The following CUBN variants were observed in gnomAD, a reference collection of about 807,000 sequenced individuals.
The protein encoded by CUBN is 460 kDa receptor.
A neutral mutation model predicts 405.3 loss-of-function variants in CUBN; 282 were observed. The ratio of observed to expected loss-of-function variants is 0.70; its 90% CI spans 0.63 to 0.77. The LOEUF is 0.77. CUBN is among the 30% of genes least tolerant of loss of function. The pLI, the probability that CUBN is intolerant of heterozygous loss-of-function variation, is 0.00. For missense variants in CUBN, 4,514 were observed against 4,475.2 expected (o/e 1.01, Z -0.25); for synonymous variants, 1,684 against 1,617.0 (o/e 1.04, Z -0.99).
In CUBN at chr10:16,990,340, G is replaced by A; in HGVS notation, c.4344C>T (p.Val1448=). 1 of 1,614,136 alleles carries A rather than the reference G, an allele frequency of 6.2e-7. No homozygotes were observed. The highest frequency in any genetic ancestry group is 8.5e-7 in the Non-Finnish European group (1 of 1,179,972). ...AAACCATCTCACTTCCTACCTCCAA[G>A]ACATCAAAGTTGCACCTTGAATGAT... ...VEYHSRCNFD[V]LEIYGGPDFH... The change falls in exon 29 of 67, where the codon GTC becomes GTT. Residue 1448 remains valine, a synonymous_variant. Coordinates refer to ENST00000377833, the MANE Select transcript of CUBN (RefSeq NM_001081.4).
At chr10:17,116,028 A>C (rs909886869) in intron 6 of CUBN, among the ~76,000 whole-genome samples, 7 of 152,224 alleles carry the variant, frequency 4.6e-5, no homozygotes, top group African/African-American at 1.7e-4. Context: ...AATGCTCTCT[A>C]GGATTATATA....
At chr10:16,944,622 C>A (rs1449352662) in intron 36 of CUBN, among the ~76,000 whole-genome samples, 2 of 152,318 alleles carry the variant, frequency 1.3e-5, no homozygotes, top group South Asian at 4.1e-4. Context: ...AAAAAAGAGG[C>A]ATCTTGCAGC....
chr10:17,085,749 C>A lies in CUBN; in HGVS notation c.1958G>T (p.Gly653Val). ...CNKDYLEIRD[G>V]PLYQDPLLGK... ...AAGAAGGGGGTCCTGATACAAAGGA[C>A]CATCTCGAATCTAAAACAAAAGGAT... is the stretch of plus-strand genomic sequence containing the variant. The change falls in exon 16 of 67, where the codon GGT becomes GTT. Residue 653 changes from glycine to valine, a missense_variant. Coordinates refer to ENST00000377833, the MANE Select transcript of CUBN (RefSeq NM_001081.4). 1.2e-6 allele frequency: 2 copies of A among 1,613,850 alleles called. No individual in the cohort carries two copies. Among genetic ancestry groups the A allele is most frequent in the Non-Finnish European group, 1.7e-6 (2 of 1,179,894 alleles).
At chr10:16,861,715 C>T (rs965644294) in intron 59 of CUBN, among the ~76,000 whole-genome samples, 1 of 152,078 alleles carries the variant, frequency 6.6e-6, no homozygotes, top group Admixed American at 6.5e-5. Flanking sequence ...ACCCTCTTAC[C>T]CACTGCACCA....
At chr10:16,926,991 A>G (rs1276716) in intron 41 of CUBN, among the ~76,000 whole-genome samples, 117,323 of 151,648 alleles carry the variant, frequency 0.77, 45,859 homozygotes, top group East Asian at 0.98. Context: ...CATCCTCCCC[A>G]CTTCTGAGTC....
At chr10:16,899,884 T>C (rs1212037339) in intron 53 of CUBN, among the ~76,000 whole-genome samples, 1 of 152,202 alleles carries the variant, frequency 6.6e-6, no homozygotes, top group Non-Finnish European at 1.5e-5. Flanking sequence ...AGCTTCATAA[T>C]AACTGTGACT....
At chr10:17,012,791 G>A (rs181370554) in intron 28 of CUBN, among the ~76,000 whole-genome samples, 14 of 152,262 alleles carry the variant, frequency 9.2e-5, no homozygotes, top group Non-Finnish European at 1.3e-4. Flanking sequence ...CCAATTATTG[G>A]GCAATTTTCC....
intron 36 of CUBN, among the ~76,000 whole-genome samples, chr10:16,943,708 C>G (rs1447667178): frequency 6.6e-6 from 1 of 152,160 alleles, no homozygotes; most frequent in African/African-American, 2.4e-5. Flanking sequence ...TTGTTTGAAA[C>G]AAGGAATCTG....
intron 28 of CUBN, among the ~76,000 whole-genome samples, chr10:17,013,870 A>T (rs1834254788): frequency 6.6e-6 from 1 of 152,200 alleles, no homozygotes; most frequent in African/African-American, 2.4e-5. Context: ...TTTCATCAGT[A>T]TATAGGTTAA....
intron 40 of CUBN, among the ~76,000 whole-genome samples, chr10:16,928,608 C>T (rs550694931): frequency 7.3e-6 from 1 of 136,198 alleles, no homozygotes; most frequent in African/African-American, 2.7e-5. Flanking sequence ...CGGTTTAATG[C>T]AGCCTCTGCC....
intron 6 of CUBN, among the ~76,000 whole-genome samples, chr10:17,116,955 T>C (rs545925774): frequency 1.0e-3 from 156 of 150,218 alleles, no homozygotes; most frequent in Middle Eastern, 3.4e-3. Flanking sequence ...TTGGTATAAA[T>C]ATGTTCCATG....
At chr10:16,851,207 C>A in intron 60 of CUBN, 28 bp downstream of exon 60, 1 of 1,553,728 alleles carries the variant, frequency 6.4e-7, no homozygotes, top group Non-Finnish European at 8.9e-7. Context: ...GATGAATAGA[C>A]TCTGTTAAAA....
At chr10:16,826,443 A>G (rs564239763) in intron 66 of CUBN, among the ~76,000 whole-genome samples, 1 of 152,334 alleles carries the variant, frequency 6.6e-6, no homozygotes, top group East Asian at 1.9e-4. Context: ...AAATATTACA[A>G]CTTACAAAAA....
At chr10:17,023,841 G>A (rs949958471) in intron 27 of CUBN, among the ~76,000 whole-genome samples, 1 of 152,160 alleles carries the variant, frequency 6.6e-6, no homozygotes, top group Non-Finnish European at 1.5e-5. Flanking sequence ...CTAAAATAAT[G>A]CTTACATTTT....
intron 28 of CUBN, among the ~76,000 whole-genome samples, chr10:17,012,891 G>C (rs1201788373): frequency 6.6e-6 from 1 of 152,126 alleles, no homozygotes; most frequent in Non-Finnish European, 1.5e-5. Flanking sequence ...TGTCCTGAAG[G>C]GAGCTCCTCC....
chr10:16,841,397 T>C (rs1253116723), intron 60 of CUBN, among the ~76,000 whole-genome samples: 2 of 152,132 alleles, frequency 1.3e-5, no homozygotes, highest in African/African-American at 4.8e-5. Flanking sequence ...CAGCCTCCCA[T>C]GAAGCCCCTG....
rs573573902 is a variant in CUBN, at chr10:16,971,137, A to G, written c.4695+11347T>C. ...CTGAACCCCAACATTATCTGACAGC[A>G]TCACTGGCAACTGAATATTTTTCTC... On this transcript the variant is annotated intron_variant, in intron 31 of 66. Coordinates refer to ENST00000377833, the MANE Select transcript of CUBN (RefSeq NM_001081.4). Among the ~76,000 whole-genome samples, 271 of 152,370 alleles carry G rather than the reference A, an allele frequency of 1.8e-3. 1 individual carries two copies. The highest frequency in any genetic ancestry group is 3.0e-3 in the Non-Finnish European group (203 of 68,042).
At chr10:16,945,702 C>T (rs1055671107) in intron 36 of CUBN, among the ~76,000 whole-genome samples, 3 of 144,564 alleles carry the variant, frequency 2.1e-5, no homozygotes, top group African/African-American at 7.8e-5. Flanking sequence ...CCGGAGGCGA[C>T]GTTTCAGTGA....
chr10:16,843,909 G>A (rs1233069061), intron 60 of CUBN, among the ~76,000 whole-genome samples: 1 of 151,950 alleles, frequency 6.6e-6, no homozygotes, highest in Non-Finnish European at 1.5e-5. Flanking sequence ...TAAAATAATG[G>A]GAGTGTATCA....
Sources: allele counts gnomAD v4.1 joint callset (sites outside exome capture counted in the v4.1 genomes callset), GRCh38; gene constraint gnomAD v4.1.1; transcripts MANE v1.5; gene names NCBI Gene and HGNC (gene_info 2026-07-23, HGNC 2026-07-21).